The following TMPRSS11F variants were observed in gnomAD, a reference collection of about 807,000 sequenced individuals.
TMPRSS11F encodes transmembrane serine protease 11F.
A neutral mutation model predicts 60.2 loss-of-function variants in TMPRSS11F; 47 were observed. That is an observed-to-expected ratio of 0.78 (90% CI 0.62 to 1.00). The LOEUF (loss-of-function observed/expected upper bound fraction) is 1.00, where lower values mean the gene tolerates loss of function less well. Among genes scored for constraint, TMPRSS11F ranks in the 50% least tolerant of loss-of-function variants. TMPRSS11F has a pLI of 0.00. For synonymous variants in TMPRSS11F, 166 were observed against 167.3 expected (o/e 0.99, Z 0.06); for missense variants, 519 against 522.9 (o/e 0.99, Z 0.07).
At chr4:68,125,050 A>G (rs1003133850) in intron 1 of TMPRSS11F, among the ~76,000 whole-genome samples, 2 of 145,942 alleles carry the variant, frequency 1.4e-5, no homozygotes, top group African/African-American at 5.1e-5. Flanking sequence ...CATTCCATAT[A>G]TTATATTCTA....
intron 2 of TMPRSS11F, among the ~76,000 whole-genome samples, chr4:68,098,473 C>G (rs920446977): frequency 5.9e-5 from 9 of 151,984 alleles, no homozygotes; most frequent in African/African-American, 2.2e-4. Context: ...TTTTTTTCTT[C>G]AAAAATAATG....
At chr4:68,086,026 G>T (rs537443429) in intron 3 of TMPRSS11F, among the ~76,000 whole-genome samples, 1 of 152,088 alleles carries the variant, frequency 6.6e-6, no homozygotes, top group South Asian at 2.1e-4. Context: ...TTGACCAACT[G>T]GACCTAACAA....
chr4:68,121,588 A>C (rs1190342547), intron 1 of TMPRSS11F, among the ~76,000 whole-genome samples: 1 of 152,220 alleles, frequency 6.6e-6, no homozygotes, highest in Non-Finnish European at 1.5e-5. Flanking sequence ...TTTCTGACAA[A>C]ATAAGTAACT....
At chr4:68,088,582 G>A (rs1380315864) in intron 3 of TMPRSS11F, among the ~76,000 whole-genome samples, 1 of 151,960 alleles carries the variant, frequency 6.6e-6, no homozygotes, top group Non-Finnish European at 1.5e-5. Context: ...CAAATCAACA[G>A]AATATACATT....
intron 5 of TMPRSS11F, 46 bp from the exon 6 acceptor site, chr4:68,070,053 C>A: frequency 6.5e-7 from 1 of 1,534,268 alleles, no homozygotes; most frequent in Non-Finnish European, 9.0e-7. Flanking sequence ...AATATATTCC[C>A]ATTTTCATGT....
At chr4:68,065,157 T>C (rs1040004620) in intron 7 of TMPRSS11F, among the ~76,000 whole-genome samples, 2 of 152,192 alleles carry the variant, frequency 1.3e-5, no homozygotes, top group Non-Finnish European at 2.9e-5. Flanking sequence ...AATTTCCAAT[T>C]TTTAAAGTTC....
intron 1 of TMPRSS11F, among the ~76,000 whole-genome samples, chr4:68,116,590 A>C (rs1724524417): frequency 6.6e-6 from 1 of 152,228 alleles, no homozygotes; most frequent in African/African-American, 2.4e-5. Context: ...CTGATTTCAT[A>C]GTATACTACA....
At chr4:68,065,180 A>G (rs1190871519) in intron 7 of TMPRSS11F, among the ~76,000 whole-genome samples, 1 of 152,112 alleles carries the variant, frequency 6.6e-6, no homozygotes, top group Non-Finnish European at 1.5e-5. Context: ...GCTTGCTGGG[A>G]ACTCTTCAGG....
intron 8 of TMPRSS11F, among the ~76,000 whole-genome samples, chr4:68,061,530 G>C (rs1002190809): frequency 6.6e-6 from 1 of 152,204 alleles, no homozygotes; most frequent in Non-Finnish European, 1.5e-5. Flanking sequence ...GATTTAGAGA[G>C]AGAATAGTTT....
At chr4:68,095,626 G>A (rs148354369) in intron 2 of TMPRSS11F, among the ~76,000 whole-genome samples, 48 of 152,236 alleles carry the variant, frequency 3.2e-4, no homozygotes, top group Non-Finnish European at 4.1e-4. Flanking sequence ...GGCCAGAAGC[G>A]GTGGCTCATG....
At chr4:68,116,866 T>C (rs779352060) in intron 1 of TMPRSS11F, among the ~76,000 whole-genome samples, 1 of 152,098 alleles carries the variant, frequency 6.6e-6, no homozygotes, top group Non-Finnish European at 1.5e-5. Context: ...AATTTAAATA[T>C]AAAACTGAAA....
intron 1 of TMPRSS11F, among the ~76,000 whole-genome samples, chr4:68,107,520 C>T (rs1724325920): frequency 1.3e-5 from 2 of 152,076 alleles, no homozygotes; most frequent in Non-Finnish European, 2.9e-5. Flanking sequence ...AAGAAATAGT[C>T]ATTACAAGGA....
At chr4:68,089,589 T>C (rs555400316) in intron 3 of TMPRSS11F, among the ~76,000 whole-genome samples, 1 of 152,224 alleles carries the variant, frequency 6.6e-6, no homozygotes, top group Non-Finnish European at 1.5e-5. Context: ...GTGGTAATAA[T>C]TGTAAAAAAC....
intron 1 of TMPRSS11F, among the ~76,000 whole-genome samples, chr4:68,128,957 T>C (rs1724765431): frequency 6.6e-6 from 1 of 152,094 alleles, no homozygotes; most frequent in East Asian, 1.9e-4. Flanking sequence ...TTTAGGTTAA[T>C]TGAAGACAAA....
Position 68,072,438 on chromosome 4 carries a change from G to A in TMPRSS11F, c.399C>T (p.Tyr133=), listed in dbSNP as rs770860266. The change falls in exon 5 of 10, where the codon TAC becomes TAT. Residue 133 remains tyrosine (Y), a synonymous_variant. Transcript: ENST00000356291. ...TTTGTTCAGCACTATCAGTAGATGGGTATCGAAATATGAGCACTATAAGAA... is the reference window on the plus strand; with the variant it reads ...TTTGTTCAGCACTATCAGTAGATGGATATCGAAATATGAGCACTATAAGAA... ...VDILIVLIFR[Y]PSTDSAEQIK... The A allele has an allele frequency of 1.9e-6, 3 of 1,585,524 alleles. No homozygotes were observed. The highest frequency in any genetic ancestry group is 2.3e-5 in the South Asian group (2 of 86,468).
rs992808960 is a variant in TMPRSS11F at position 68,065,005 on chromosome 4, G to C, written c.756-61C>G. Reference sequence around the variant, plus strand: ...GACTTAATTCTGTAAAAAAGACTGAGACTGTATTTCTTCCCAACTGTCAGT... The same window carrying C: ...GACTTAATTCTGTAAAAAAGACTGACACTGTATTTCTTCCCAACTGTCAGT... On this transcript the variant is annotated intron_variant, in intron 7 of 9. Coordinates refer to ENST00000356291, the MANE Select transcript of TMPRSS11F (RefSeq NM_207407.2). 3 of 1,492,800 alleles carry C rather than the reference G, an allele frequency of 2.0e-6. No individual in the cohort carries two copies. The South Asian group carries it at 4.0e-5, about 20-fold the overall frequency. The allele number at this position is 1,492,800 out of a possible 1,614,324, so 92.5% of individuals were successfully genotyped here. A position where few individuals can be genotyped will look rare whatever the true frequency, so the allele number is the denominator to read the frequency against.
intron 5 of TMPRSS11F, 71 bp from the exon 6 acceptor site, chr4:68,070,078 G>A (rs1723421113): frequency 1.6e-6 from 2 of 1,280,300 alleles, no homozygotes; most frequent in African/African-American, 1.5e-5. Flanking sequence ...TTGTTCAACT[G>A]GTCATTAATA....
intron 1 of TMPRSS11F, among the ~76,000 whole-genome samples, chr4:68,126,521 A>G (rs367837160): frequency 2.6e-5 from 4 of 152,354 alleles, no homozygotes; most frequent in African/African-American, 9.6e-5. Flanking sequence ...GATATGTAAG[A>G]TATGTGCATA....
chr4:68,104,316 T>A (rs143182171), intron 1 of TMPRSS11F, among the ~76,000 whole-genome samples: 1,665 of 152,282 alleles, frequency 0.011, 13 homozygotes, highest in Non-Finnish European at 0.017. Flanking sequence ...TCCTTTATGA[T>A]GTGGTTTGGC....
Sources: allele counts gnomAD v4.1 joint callset (sites outside exome capture counted in the v4.1 genomes callset), GRCh38; gene constraint gnomAD v4.1.1; transcripts MANE v1.5; gene names NCBI Gene and HGNC (gene_info 2026-07-23, HGNC 2026-07-21).